ATRN: variants seen among roughly 807,000 people sequenced by gnomAD.
ATRN encodes the protein attractin-2.
In ATRN, 54 loss-of-function variants were observed where a neutral mutation model predicts 178.7. The ratio of observed to expected loss-of-function variants is 0.30; its 90% CI spans 0.24 to 0.38. ATRN has a LOEUF of 0.38. ATRN is among the 10% of genes least tolerant of loss of function. ATRN has a pLI of 1.00. For missense variants in ATRN, 1,443 were observed against 1,815.1 expected, an observed-to-expected ratio of 0.79 and a Z score of 3.73; for synonymous variants, 636 against 663.0, an observed-to-expected ratio of 0.96 and a Z score of 0.63.
intron 23 of ATRN, 26 bp downstream of exon 23, chr20:3,601,050 CG>C (rs1174187668): frequency 3.2e-6 from 5 of 1,561,480 alleles, no homozygotes; most frequent in Non-Finnish European, 3.5e-6. Flanking sequence ...GAGAAGACCC[CG>C]CAAATGAAGG....
At chr20:3,524,134 C>A (rs1225218950) in intron 1 of ATRN, among the ~76,000 whole-genome samples, 1 of 151,830 alleles carries the variant, frequency 6.6e-6, no homozygotes, top group African/African-American at 2.4e-5. Context: ...AGAGTCAAGA[C>A]CCATCGGTGT....
intron 1 of ATRN, among the ~76,000 whole-genome samples, chr20:3,504,057 T>G (rs1053214540): frequency 1.3e-5 from 2 of 152,152 alleles, no homozygotes; most frequent in African/African-American, 4.8e-5. Context: ...TTACATTACC[T>G]ATAGGGAACA....
chr20:3,483,643 G>A (rs140825796), intron 1 of ATRN, among the ~76,000 whole-genome samples: 77 of 152,162 alleles, frequency 5.1e-4, no homozygotes, highest in Admixed American at 1.2e-3. Context: ...CACCATGCCC[G>A]GCCCAATTAG....
intron 3 of ATRN, among the ~76,000 whole-genome samples, chr20:3,543,549 C>T (rs181660100): frequency 3.3e-5 from 5 of 151,418 alleles, no homozygotes; most frequent in East Asian, 2.0e-4. Context: ...TGGTGAAACC[C>T]CGTCTCTACT....
chr20:3,581,534 C>T (rs1437310935), intron 15 of ATRN, among the ~76,000 whole-genome samples: 1 of 152,040 alleles, frequency 6.6e-6, no homozygotes, highest in African/African-American at 2.4e-5. Context: ...AGGAGTGTTT[C>T]GAATTTTAGA....
At chr20:3,610,255 A>T (rs888648599) in intron 24 of ATRN, among the ~76,000 whole-genome samples, 2 of 152,248 alleles carry the variant, frequency 1.3e-5, no homozygotes, top group African/African-American at 4.8e-5. Flanking sequence ...AAAGAAGAAT[A>T]AAATGGGAAG....
intron 27 of ATRN, among the ~76,000 whole-genome samples, chr20:3,643,745 T>C (rs567168251): frequency 6.6e-6 from 1 of 152,368 alleles, no homozygotes; most frequent in South Asian, 2.1e-4. Flanking sequence ...CTCCATGATA[T>C]CTGCATCTGT....
chr20:3,606,255 C>A (rs148744848), intron 24 of ATRN, among the ~76,000 whole-genome samples: 9 of 152,312 alleles, frequency 5.9e-5, no homozygotes, highest in Middle Eastern at 3.4e-3. Flanking sequence ...TCATAGTGGG[C>A]CCCAGTGATG....
chr20:3,500,682 G>A (rs1434172881), intron 1 of ATRN, among the ~76,000 whole-genome samples: 2 of 123,500 alleles, frequency 1.6e-5, no homozygotes, highest in African/African-American at 6.2e-5. Flanking sequence ...TCTGGGGACT[G>A]TTGTGGGGTG....
At chr20:3,506,818 T>C (rs1457748991) in intron 1 of ATRN, among the ~76,000 whole-genome samples, 1 of 151,904 alleles carries the variant, frequency 6.6e-6, no homozygotes, top group Non-Finnish European at 1.5e-5. Flanking sequence ...AAATAAATGA[T>C]TAGTATCTTT....
chr20:3,634,227 T>A (rs1210649616), intron 25 of ATRN, 84 bp from the exon 26 acceptor site: 3 of 1,309,422 alleles, frequency 2.3e-6, no homozygotes, highest in Admixed American at 3.6e-5. Flanking sequence ...GGAGCTGTTT[T>A]CACTGCCTGG....
chr20:3,534,338 A>C (rs1016969475), intron 1 of ATRN, among the ~76,000 whole-genome samples: 1 of 152,068 alleles, frequency 6.6e-6, no homozygotes, highest in African/African-American at 2.4e-5. Context: ...TTTTTGTGGT[A>C]ATGTTGTTAC....
In ATRN at chr20:3,547,266, T is replaced by C; in HGVS notation, c.738-18T>C. On this transcript the variant is annotated intron_variant, in intron 4 of 28. Coordinates refer to ENST00000262919, the MANE Select transcript of ATRN (RefSeq NM_139321.3). Reference sequence around the variant, plus strand: ...GCGTTGCGTTGTGTTAATGTAATTTTCCCTGCTATTTTTACAGTTTTGATA... The same window carrying C: ...GCGTTGCGTTGTGTTAATGTAATTTCCCCTGCTATTTTTACAGTTTTGATA... 6.3e-7 allele frequency: 1 copy of C among 1,589,396 alleles called. No individual in the cohort carries two copies. Among genetic ancestry groups the C allele is most frequent in the Non-Finnish European group, 8.6e-7 (1 of 1,157,624 alleles).
chr20:3,616,407 A>G (rs111334794), intron 24 of ATRN, among the ~76,000 whole-genome samples: 84 of 151,454 alleles, frequency 5.5e-4, no homozygotes, highest in African/African-American at 1.9e-3. Context: ...CCTGGGAGCC[A>G]TGAGAGGGGA....
intron 1 of ATRN, among the ~76,000 whole-genome samples, chr20:3,500,569 A>T (rs893953924): frequency 6.6e-6 from 1 of 151,590 alleles, no homozygotes; most frequent in Non-Finnish European, 1.5e-5. Flanking sequence ...CATCATTCTC[A>T]GTAAACTATC....
chr20:3,566,527 C>G (rs1473171573), intron 11 of ATRN, among the ~76,000 whole-genome samples: 1 of 152,136 alleles, frequency 6.6e-6, no homozygotes, highest in Non-Finnish European at 1.5e-5. Flanking sequence ...CGTTATAATG[C>G]CTGCATCATG....
intron 1 of ATRN, among the ~76,000 whole-genome samples, chr20:3,501,014 A>G (rs1168659558): frequency 2.0e-5 from 3 of 152,182 alleles, no homozygotes; most frequent in Non-Finnish European, 4.4e-5. Context: ...ACTTTGAAAC[A>G]TAGTAATTTG....
intron 1 of ATRN, among the ~76,000 whole-genome samples, chr20:3,487,467 G>A (rs952543240): frequency 6.6e-6 from 1 of 152,104 alleles, no homozygotes; most frequent in Non-Finnish European, 1.5e-5. Flanking sequence ...TCCTGATCTT[G>A]TGATCCACCC....
intron 28 of ATRN, 25 bp downstream of exon 28, chr20:3,644,293 G>GA (rs2146328507): frequency 1.3e-6 from 2 of 1,556,546 alleles, no homozygotes; most frequent in East Asian, 2.2e-5. Flanking sequence ...TCCAGCGAAA[G>GA]ACACCTTCTA....
Sources: allele counts gnomAD v4.1 joint callset (sites outside exome capture counted in the v4.1 genomes callset), GRCh38; gene constraint gnomAD v4.1.1; transcripts MANE v1.5; gene names NCBI Gene and HGNC (gene_info 2026-07-23, HGNC 2026-07-21).